Variants in HUWE1 observed in about 807,000 individuals in gnomAD.
HUWE1 encodes HECT, UBA and WWE domain containing E3 ubiquitin protein ligase 1.
HUWE1 carries 18 observed loss-of-function variants against 299.4 expected under a neutral mutation model. The ratio of observed to expected loss-of-function variants is 0.06; its 90% CI spans 0.04 to 0.09. The LOEUF is 0.09. Ranked by LOEUF, HUWE1 falls within the 10% of genes least tolerant of loss-of-function variation. HUWE1 has a pLI of 1.00. For synonymous variants in HUWE1, 1,317 were observed against 1,286.1 expected, an observed-to-expected ratio of 1.02 and a Z score of -0.51; for missense variants, 1,832 against 3,462.3, an observed-to-expected ratio of 0.53 and a Z score of 11.82.
intron 4 of HUWE1, among the ~76,000 whole-genome samples, chrX:53,652,773 T>C (rs1312340046): frequency 1.8e-5 from 2 of 112,492 alleles, no homozygotes; most frequent in African/African-American, 6.5e-5. Flanking sequence ...ATAACTGATA[T>C]AGAACAGTGA....
chrX:53,603,218 C>A, intron 27 of HUWE1, 150 bp downstream of exon 27: 2 of 530,807 alleles, frequency 3.8e-6, no homozygotes, highest in Admixed American at 3.1e-5. Flanking sequence ...GACGACAAAG[C>A]ATTTGTCATC....
chrX:53,539,635 G>A, intron 75 of HUWE1, 22 bp downstream of exon 75: 1 of 1,209,036 alleles, frequency 8.3e-7, no homozygotes. Flanking sequence ...GTTGGGACCT[G>A]GGCCTTTAGG....
chrX:53,546,662 T>G, intron 69 of HUWE1, 42 bp downstream of exon 69: 2 of 1,210,669 alleles, frequency 1.7e-6, no homozygotes, highest in Middle Eastern at 2.3e-4. Context: ...CTGTTTATCC[T>G]TTCTCCCCAA....
At chrX:53,665,971 A>G (rs781827404) in intron 3 of HUWE1, among the ~76,000 whole-genome samples, 1 of 111,516 alleles carries the variant, frequency 9.0e-6, no homozygotes, top group Admixed American at 9.5e-5. Context: ...CCTGGGCCAC[A>G]GAGTGAGACC....
intron 74 of HUWE1, among the ~76,000 whole-genome samples, chrX:53,541,771 C>G (rs1371185419): frequency 8.9e-6 from 1 of 111,873 alleles, no homozygotes; most frequent in African/African-American, 3.3e-5. Flanking sequence ...ATAGCCAAGG[C>G]AGGAGGATCG....
At chrX:53,543,682 G>A in intron 73 of HUWE1, 159 bp downstream of exon 73, 1 of 823,627 alleles carries the variant, frequency 1.2e-6, no homozygotes, top group Non-Finnish European at 1.7e-6. Context: ...CAACAAATAG[G>A]AAAACACCAA....
intron 7 of HUWE1, among the ~76,000 whole-genome samples, chrX:53,642,963 C>T (rs1305810767): frequency 1.8e-5 from 2 of 112,302 alleles, no homozygotes; most frequent in African/African-American, 6.5e-5. Context: ...CTTGCTATTA[C>T]ACCAATTGTT....
chrX:53,605,539 A>T (rs1414651169), intron 25 of HUWE1, among the ~76,000 whole-genome samples: 1 of 112,656 alleles, frequency 8.9e-6, no homozygotes, highest in Non-Finnish European at 1.9e-5. Context: ...CAAGTCTGTA[A>T]GCAAATGGAT....
At chrX:53,591,364 AG>A (rs1241055237) in intron 33 of HUWE1, among the ~76,000 whole-genome samples, 3 of 111,198 alleles carry the variant, frequency 2.7e-5, no homozygotes, top group Non-Finnish European at 3.8e-5. Flanking sequence ...TAAGAAAGTT[AG>A]GGGGGGATGC....
At chrX:53,581,648 C>T (rs1160780015) in intron 42 of HUWE1, among the ~76,000 whole-genome samples, 1 of 111,331 alleles carries the variant, frequency 9.0e-6, no homozygotes, top group Non-Finnish European at 1.9e-5. Flanking sequence ...CAATGAAAAA[C>T]ATCTTTTGGT....
chrX:53,566,133 G>GTATATATATATA (rs71830310), intron 49 of HUWE1, among the ~76,000 whole-genome samples: 30 of 38,961 alleles, frequency 7.7e-4, no homozygotes, highest in African/African-American at 2.4e-3. Context: ...GTGTGTGTGT[G>GTATATATATATA]TATATATATA....
Position 53,576,998 on chromosome X carries a change from G to A in HUWE1, c.5786C>T (p.Pro1929Leu), listed in dbSNP as rs782416057. ...PNAVQLVKTT[P>L]LKPSPLPVIP... ...GACAGGCAGAGGTGAGGGCTTCAAAGGGGTGGTCTTCACCAGCTGTACAGC... is the reference window on the plus strand; with the variant it reads ...GACAGGCAGAGGTGAGGGCTTCAAAAGGGTGGTCTTCACCAGCTGTACAGC... Residue 1929 changes from proline (P) to leucine (L), a missense_variant, in exon 44 of 84, where the codon CCT (proline) becomes CTT (leucine). Pro to Leu is a moderately conservative substitution (Grantham distance 98). Around this residue, in one of 15 missense-constraint regions of HUWE1, gnomAD observed 47 missense variants for 45.8 expected, o/e 1.03. Transcript: ENST00000262854. 1.7e-6 allele frequency: 2 copies of A among 1,206,124 alleles called. No homozygotes were observed. The highest frequency in any genetic ancestry group is 4.6e-4 in the Middle Eastern group (2 of 4,304).
intron 43 of HUWE1, among the ~76,000 whole-genome samples, chrX:53,579,393 C>T (rs2063486657): frequency 1.8e-5 from 2 of 110,853 alleles, no homozygotes; most frequent in South Asian, 7.7e-4. Flanking sequence ...CCCGGCCGCC[C>T]CTACTGGGAA....
At chrX:53,553,796 C>T (rs1049268927) in intron 61 of HUWE1, among the ~76,000 whole-genome samples, 5 of 108,479 alleles carry the variant, frequency 4.6e-5, no homozygotes, top group Middle Eastern at 4.7e-3. Context: ...GGTGACAGAG[C>T]GAGACTTTTT....
At chrX:53,559,913 G>C (rs1372267957) in intron 56 of HUWE1, among the ~76,000 whole-genome samples, 1 of 112,125 alleles carries the variant, frequency 8.9e-6, no homozygotes, top group Non-Finnish European at 1.9e-5. Flanking sequence ...ATCTTGTCCC[G>C]TCTATATCTA....
At chrX:53,541,575 C>T (rs1431419544) in intron 74 of HUWE1, among the ~76,000 whole-genome samples, 4 of 111,421 alleles carry the variant, frequency 3.6e-5, no homozygotes, top group African/African-American at 1.3e-4. Flanking sequence ...CCCTGGGAGA[C>T]AGAGCTAGAC....
At chrX:53,645,211 T>A in intron 7 of HUWE1, 100 bp downstream of exon 7, 1 of 906,009 alleles carries the variant, frequency 1.1e-6, no homozygotes, top group Non-Finnish European at 1.6e-6. Context: ...TGAAGTTAAC[T>A]TAGGGATTCT....
At chrX:53,586,669 AAACTACAG>A (rs1333493272) in intron 38 of HUWE1, 98 bp from the exon 39 acceptor site, 2 of 1,080,908 alleles carry the variant, frequency 1.9e-6, no homozygotes, top group Admixed American at 2.4e-5. Context: ...TATAATTTTA[AAACTACAG>A]AAGTACCACA....
At chrX:53,601,665 A>ATTTT (rs34074990) in intron 28 of HUWE1, among the ~76,000 whole-genome samples, 1 of 93,748 alleles carries the variant, frequency 1.1e-5, no homozygotes, top group Non-Finnish European at 2.1e-5. Flanking sequence ...GAAATTTGGA[A>ATTTT]TTTTTTTTTT....
Sources: gnomAD v4.1 joint callset for allele counts (sites outside exome capture counted in the v4.1 genomes callset) on GRCh38, gnomAD v4.1.1 for gene constraint, gnomAD v4.1.1 regional missense constraint, MANE v1.5 for transcripts, NCBI Gene and HGNC (gene_info 2026-07-23, HGNC 2026-07-21) for gene names.